ZFAND3: variants seen among roughly 807,000 people sequenced by gnomAD.
The protein encoded by ZFAND3 is AN1-type zinc finger protein 3.
A neutral mutation model predicts 29.6 loss-of-function variants in ZFAND3; 10 were observed. That is an observed-to-expected ratio of 0.34 (90% CI 0.21 to 0.57). The LOEUF (loss-of-function observed/expected upper bound fraction) is 0.57, where lower values mean the gene tolerates loss of function less well. Ranked by LOEUF, ZFAND3 falls within the 20% of genes least tolerant of loss-of-function variation. The pLI, the probability that ZFAND3 is intolerant of heterozygous loss-of-function variation, is 0.86. For synonymous variants in ZFAND3, 128 were observed against 112.6 expected (o/e 1.14, Z -0.87); for missense variants, 230 against 304.5 (o/e 0.76, Z 1.82).
chr6:37,994,998 C>T (rs1404463832), intron 2 of ZFAND3, among the ~76,000 whole-genome samples: 1 of 152,078 alleles, frequency 6.6e-6, no homozygotes, highest in Non-Finnish European at 1.5e-5. Flanking sequence ...TGCCTTTGTT[C>T]CAGGCAGTGT....
intron 3 of ZFAND3, among the ~76,000 whole-genome samples, chr6:38,069,960 T>C (rs1370456337): frequency 6.6e-6 from 1 of 152,260 alleles, no homozygotes; most frequent in Non-Finnish European, 1.5e-5. Context: ...GACTACATTC[T>C]CAATTTTTGA....
chr6:37,820,545 C>T lies in ZFAND3; in HGVS notation c.71+529C>T, dbSNP rs960540629. ...TTTTAGGAAGCTATTCACACGTCAC[C>T]CGTTTGTAAAAACCGAGTCCAGAAC... On this transcript the variant is annotated intron_variant, in intron 1 of 5. Coordinates refer to ENST00000287218, the MANE Select transcript of ZFAND3 (RefSeq NM_021943.3). 3.3e-5 allele frequency among the ~76,000 whole-genome samples: 5 copies of T among 152,332 alleles called. No individual in the cohort carries two copies. The South Asian group carries it at 1.0e-3, about 32-fold the overall frequency.
intron 1 of ZFAND3, among the ~76,000 whole-genome samples, chr6:37,923,304 C>T (rs1189694134): frequency 6.6e-6 from 1 of 152,044 alleles, no homozygotes; most frequent in African/African-American, 2.4e-5. Flanking sequence ...TTTGTTAGGC[C>T]CCAGCACACA....
At chr6:38,081,898 A>G (rs947836878) in intron 3 of ZFAND3, among the ~76,000 whole-genome samples, 3 of 151,874 alleles carry the variant, frequency 2.0e-5, no homozygotes, top group East Asian at 3.9e-4. Flanking sequence ...AATGATTCTT[A>G]TTTCTTCTGA....
At chr6:38,135,919 G>T (rs2127493184) in intron 5 of ZFAND3, among the ~76,000 whole-genome samples, 1 of 152,284 alleles carries the variant, frequency 6.6e-6, no homozygotes, top group South Asian at 2.1e-4. Context: ...TATTAAGGCA[G>T]TCATAGCTGT....
chr6:37,824,006 C>T (rs1197915826), intron 1 of ZFAND3, among the ~76,000 whole-genome samples: 2 of 152,148 alleles, frequency 1.3e-5, no homozygotes, highest in Non-Finnish European at 2.9e-5. Flanking sequence ...GAACTCCCGA[C>T]CTCAGGTGAT....
chr6:38,103,383 A>G (rs1765133869), intron 4 of ZFAND3, among the ~76,000 whole-genome samples: 1 of 148,154 alleles, frequency 6.7e-6, no homozygotes, highest in Non-Finnish European at 1.5e-5. Context: ...CAATATATAT[A>G]TACACACACA....
intron 1 of ZFAND3, among the ~76,000 whole-genome samples, chr6:37,826,096 A>C (rs1441875918): frequency 3.3e-5 from 4 of 123,008 alleles, no homozygotes; most frequent in Non-Finnish European, 7.9e-5. Context: ...CCTCTCTTGC[A>C]AAAAAAAAAG....
chr6:38,039,899 A>G (rs1306643411), intron 2 of ZFAND3, among the ~76,000 whole-genome samples: 1 of 152,178 alleles, frequency 6.6e-6, no homozygotes. Context: ...TGTTTTTAAT[A>G]TTTTTGAAAA....
At chr6:37,820,670 A>G (rs887865835) in intron 1 of ZFAND3, among the ~76,000 whole-genome samples, 3 of 152,208 alleles carry the variant, frequency 2.0e-5, no homozygotes, top group African/African-American at 4.8e-5. Flanking sequence ...GAAGAAAAAA[A>G]CCACACAAAA....
At chr6:38,150,530 C>T (rs1766200132) in intron 5 of ZFAND3, among the ~76,000 whole-genome samples, 1 of 152,226 alleles carries the variant, frequency 6.6e-6, no homozygotes, top group African/African-American at 2.4e-5. Flanking sequence ...TTTCTTCCCT[C>T]AGGCTGAGGA....
intron 2 of ZFAND3, among the ~76,000 whole-genome samples, chr6:38,030,826 TAG>T: frequency 6.6e-6 from 1 of 152,040 alleles, no homozygotes; most frequent in Non-Finnish European, 1.5e-5. Flanking sequence ...GACAAAGTGG[TAG>T]AAGGAATGGA....
intron 1 of ZFAND3, among the ~76,000 whole-genome samples, chr6:37,884,859 A>G (rs1764961735): frequency 6.6e-6 from 1 of 152,226 alleles, no homozygotes; most frequent in Non-Finnish European, 1.5e-5. Flanking sequence ...CTTGCCAGAT[A>G]GGACTAGTTT....
chr6:37,988,894 A>G (rs1762713458), intron 2 of ZFAND3, among the ~76,000 whole-genome samples: 1 of 151,850 alleles, frequency 6.6e-6, no homozygotes, highest in African/African-American at 2.4e-5. Context: ...TATTCATTCC[A>G]CAAATATTTA....
At chr6:37,862,712 AC>A (rs1158794449) in intron 1 of ZFAND3, among the ~76,000 whole-genome samples, 2 of 151,460 alleles carry the variant, frequency 1.3e-5, no homozygotes, top group South Asian at 2.1e-4. Flanking sequence ...TCTAAAAAAA[AC>A]AAAACAAAAC....
intron 2 of ZFAND3, among the ~76,000 whole-genome samples, chr6:37,994,668 A>G (rs1197669811): frequency 6.6e-6 from 1 of 152,160 alleles, no homozygotes; most frequent in Non-Finnish European, 1.5e-5. Flanking sequence ...CTTACTCTCC[A>G]ATTTCTATCA....
chr6:37,914,726 C>T (rs140782869), intron 1 of ZFAND3, among the ~76,000 whole-genome samples: 9,511 of 135,280 alleles, frequency 0.07, 361 homozygotes, highest in Middle Eastern at 0.088. Context: ...TGGTCTTGAT[C>T]TCCTGACCTC....
At chr6:38,092,144 C>T (rs566306384) in intron 4 of ZFAND3, among the ~76,000 whole-genome samples, 3 of 152,208 alleles carry the variant, frequency 2.0e-5, no homozygotes, top group Middle Eastern at 3.4e-3. Context: ...TAATCATGGC[C>T]GATTAAAGTT....
intron 2 of ZFAND3, among the ~76,000 whole-genome samples, chr6:37,982,253 T>C (rs2127432743): frequency 6.6e-6 from 1 of 151,834 alleles, no homozygotes; most frequent in Non-Finnish European, 1.5e-5. Flanking sequence ...AGGGATAGAA[T>C]AAGAGTCAGG....
Sources: gnomAD v4.1 joint callset for allele counts (sites outside exome capture counted in the v4.1 genomes callset) on GRCh38, gnomAD v4.1.1 for gene constraint, MANE v1.5 for transcripts, NCBI Gene and HGNC (gene_info 2026-07-23, HGNC 2026-07-21) for gene names.